ELAVL4: variants seen among roughly 807,000 people sequenced by gnomAD.
ELAVL4 encodes the protein ELAV-like protein 4.
A neutral mutation model predicts 35.6 loss-of-function variants in ELAVL4; 1 was observed. The observed-to-expected ratio is 0.03, with a 90% CI of 0.01 to 0.13. The LOEUF is 0.13. ELAVL4 is among the 10% of genes least tolerant of loss of function. The pLI, the probability that ELAVL4 is intolerant of heterozygous loss-of-function variation, is 1.00. For synonymous variants in ELAVL4, 156 were observed against 171.0 expected, an observed-to-expected ratio of 0.91 and a Z score of 0.69; for missense variants, 267 against 464.9, an observed-to-expected ratio of 0.57 and a Z score of 3.91.
At chr1:50,138,615 G>T (rs369383971) in intron 1 of ELAVL4, among the ~76,000 whole-genome samples, 1 of 151,808 alleles carries the variant, frequency 6.6e-6, no homozygotes, top group African/African-American at 2.4e-5. Context: ...ACAGGCACCC[G>T]CCATCATGCC....
chr1:50,153,276 C>T (rs1431296238), intron 2 of ELAVL4, among the ~76,000 whole-genome samples: 1 of 152,164 alleles, frequency 6.6e-6, no homozygotes, highest in Non-Finnish European at 1.5e-5. Flanking sequence ...CATAATGATA[C>T]AATGAAGTTG....
At chr1:50,168,240 G>T (rs1207218516) in intron 2 of ELAVL4, among the ~76,000 whole-genome samples, 1 of 152,024 alleles carries the variant, frequency 6.6e-6, no homozygotes, top group African/African-American at 2.4e-5. Flanking sequence ...AAGGCAGGGT[G>T]GCAGGAGTGT....
chr1:50,063,585 T>A (rs1358034991), intron 1 of ELAVL4, among the ~76,000 whole-genome samples: 1 of 152,176 alleles, frequency 6.6e-6, no homozygotes, highest in Non-Finnish European at 1.5e-5. Flanking sequence ...CCTCTTTCTG[T>A]AAGACCTCTT....
chr1:50,057,321 T>C lies in ELAVL4; in HGVS notation c.18+9139T>C, dbSNP rs183200724. Among the ~76,000 whole-genome samples the C allele has an allele frequency of 4.6e-5, 7 of 152,260 alleles. No individual in the cohort carries two copies. In the East Asian group the frequency reaches 1.3e-3, roughly 29 times the overall value. ...TTATAAGAGTCTAAAAGTTTAAAAA[T>C]TTATAAAGTAAAAAAGTTACAGAAG... On this transcript the variant is annotated intron_variant, in intron 1 of 6. Transcript: ENST00000448907.
At chr1:50,158,867 C>T (rs558762364) in intron 2 of ELAVL4, among the ~76,000 whole-genome samples, 2 of 152,044 alleles carry the variant, frequency 1.3e-5, no homozygotes, top group South Asian at 4.2e-4. Flanking sequence ...GGTGAAACTC[C>T]ATCTCTACTA....
intron 1 of ELAVL4, among the ~76,000 whole-genome samples, chr1:50,077,156 G>T (rs1054565154): frequency 1.3e-5 from 2 of 152,008 alleles, no homozygotes; most frequent in African/African-American, 4.8e-5. Flanking sequence ...TCCCATGTTA[G>T]ATACATGTAT....
intron 2 of ELAVL4, among the ~76,000 whole-genome samples, chr1:50,163,888 T>C (rs1390195393): frequency 6.6e-6 from 1 of 152,082 alleles, no homozygotes; most frequent in Non-Finnish European, 1.5e-5. Context: ...ACTATGCTAA[T>C]GTCAGGTATT....
chr1:50,056,321 T>A (rs1222616424), intron 1 of ELAVL4, among the ~76,000 whole-genome samples: 2 of 152,196 alleles, frequency 1.3e-5, no homozygotes, highest in African/African-American at 2.4e-5. Context: ...GAAATGGCAC[T>A]GAGTGTAATA....
chr1:50,142,790 C>T (rs1673045544), intron 1 of ELAVL4, among the ~76,000 whole-genome samples: 1 of 152,126 alleles, frequency 6.6e-6, no homozygotes, highest in African/African-American at 2.4e-5. Context: ...GAAATATGTA[C>T]ATTTTTGTAC....
intron 1 of ELAVL4, among the ~76,000 whole-genome samples, chr1:50,086,235 T>A (rs1665234465): frequency 6.6e-6 from 1 of 152,050 alleles, no homozygotes; most frequent in Non-Finnish European, 1.5e-5. Context: ...GGCTAATGGG[T>A]TACTTTTTTT....
chr1:50,128,454 T>C (rs768532438), intron 1 of ELAVL4, among the ~76,000 whole-genome samples: 11 of 152,126 alleles, frequency 7.2e-5, no homozygotes, highest in Non-Finnish European at 1.2e-4. Context: ...TTTATTCATT[T>C]ATTCTACCAG....
intron 1 of ELAVL4, among the ~76,000 whole-genome samples, chr1:50,066,981 T>C (rs1239848898): frequency 6.6e-6 from 1 of 151,814 alleles, no homozygotes; most frequent in Non-Finnish European, 1.5e-5. Context: ...CTTGAAAGAG[T>C]GAATATCATG....
At chr1:50,160,532 A>G (rs1224876526) in intron 2 of ELAVL4, among the ~76,000 whole-genome samples, 1 of 152,160 alleles carries the variant, frequency 6.6e-6, no homozygotes, top group Non-Finnish European at 1.5e-5. Flanking sequence ...CTTTACTATC[A>G]GCGAACTCCT....
chr1:50,135,854 A>T (rs765674211), intron 1 of ELAVL4, among the ~76,000 whole-genome samples: 5 of 152,150 alleles, frequency 3.3e-5, no homozygotes, highest in Non-Finnish European at 5.9e-5. Context: ...CTTTAGCCAC[A>T]GTCCCCTAGT....
intron 2 of ELAVL4, among the ~76,000 whole-genome samples, chr1:50,162,866 G>A (rs1257889592): frequency 6.6e-6 from 1 of 152,234 alleles, no homozygotes; most frequent in African/African-American, 2.4e-5. Context: ...TTACTGGCGT[G>A]AGCCACTGCA....
chr1:50,182,950 C>G (rs556158769), intron 3 of ELAVL4, among the ~76,000 whole-genome samples: 20 of 151,854 alleles, frequency 1.3e-4, no homozygotes, highest in African/African-American at 4.6e-4. Context: ...CTCCACCTCC[C>G]GGGATCAAGC....
intron 1 of ELAVL4, among the ~76,000 whole-genome samples, chr1:50,128,709 T>C (rs1670366886): frequency 6.6e-6 from 1 of 151,312 alleles, no homozygotes; most frequent in Non-Finnish European, 1.5e-5. Context: ...GCCAAGGGAG[T>C]GCTTATGTGC....
chr1:50,084,517 A>T (rs1403509869), intron 1 of ELAVL4, among the ~76,000 whole-genome samples: 1 of 152,048 alleles, frequency 6.6e-6, no homozygotes, highest in African/African-American at 2.4e-5. Flanking sequence ...TACCCTTCAC[A>T]TAATGGTATA....
At chr1:50,102,046 G>A (rs1666003245), upstream of ELAVL4, among the ~76,000 whole-genome samples, 1 of 152,154 alleles carries the variant, frequency 6.6e-6, no homozygotes. Flanking sequence ...CCAGCACTTG[G>A]GGAGGCCGTG....
Sources: allele counts gnomAD v4.1 joint callset (sites outside exome capture counted in the v4.1 genomes callset), GRCh38; gene constraint gnomAD v4.1.1; transcripts MANE v1.5; gene names NCBI Gene and HGNC (gene_info 2026-07-23, HGNC 2026-07-21).